The following CCSER1 variants were observed in gnomAD, a reference collection of about 807,000 sequenced individuals.
CCSER1 encodes coiled-coil serine rich protein 1.
CCSER1 carries 41 observed loss-of-function variants against 82.0 expected under a neutral mutation model. The ratio of observed to expected loss-of-function variants is 0.50; its 90% confidence interval spans 0.39 to 0.65. The LOEUF (loss-of-function observed/expected upper bound fraction) is 0.65. Among genes scored for constraint, CCSER1 ranks in the 30% least tolerant of loss-of-function variants. CCSER1 has a pLI of 0.00. For synonymous variants in CCSER1, 414 were observed against 383.9 expected (o/e 1.08, Z -0.92); for missense variants, 1,119 against 1,064.2 (o/e 1.05, Z -0.72).
intron 6 of CCSER1, among the ~76,000 whole-genome samples, chr4:90,689,515 C>T (rs1052895741): frequency 1.3e-5 from 2 of 152,046 alleles, no homozygotes; most frequent in Non-Finnish European, 2.9e-5. Flanking sequence ...AAATATTATT[C>T]ACTTATCATT....
chr4:90,691,720 A>G (rs568111621), intron 6 of CCSER1, among the ~76,000 whole-genome samples: 1 of 151,802 alleles, frequency 6.6e-6, no homozygotes, highest in African/African-American at 2.4e-5. Flanking sequence ...TTTATTTTAC[A>G]TTCAGGAGTA....
intron 9 of CCSER1, among the ~76,000 whole-genome samples, chr4:90,984,951 A>G (rs1196200849): frequency 1.3e-5 from 2 of 151,622 alleles, no homozygotes; most frequent in East Asian, 1.9e-4. Context: ...ACTGCCCCCA[A>G]CTTCCATCTC....
intron 7 of CCSER1, among the ~76,000 whole-genome samples, chr4:90,791,525 T>G (rs1043957981): frequency 1.3e-5 from 2 of 151,552 alleles, no homozygotes; most frequent in African/African-American, 4.9e-5. Flanking sequence ...TTCAGATGAT[T>G]ATTATTTTTA....
At chr4:90,852,190 C>T (rs1183947333) in intron 8 of CCSER1, among the ~76,000 whole-genome samples, 1 of 152,160 alleles carries the variant, frequency 6.6e-6, no homozygotes, top group African/African-American at 2.4e-5. Flanking sequence ...AAAACAACTA[C>T]AGAAGAGCCC....
chr4:90,422,742 G>A (rs1427505650), intron 4 of CCSER1, among the ~76,000 whole-genome samples: 2 of 152,126 alleles, frequency 1.3e-5, no homozygotes, highest in Non-Finnish European at 2.9e-5. Flanking sequence ...TTTTAGGCAG[G>A]CGACTTTGGG....
intron 3 of CCSER1, among the ~76,000 whole-genome samples, chr4:90,360,244 C>T (rs1745127493): frequency 1.3e-5 from 2 of 148,338 alleles, no homozygotes; most frequent in African/African-American, 2.5e-5. Flanking sequence ...AAAAAACATC[C>T]ACGGCCAGAC....
intron 5 of CCSER1, among the ~76,000 whole-genome samples, chr4:90,554,601 A>G (rs1777900448): frequency 6.6e-6 from 1 of 152,202 alleles, no homozygotes. Flanking sequence ...TTGCTATTAT[A>G]TTGCTACATA....
chr4:90,412,500 A>G (rs868842619), intron 4 of CCSER1, among the ~76,000 whole-genome samples: 1 of 148,896 alleles, frequency 6.7e-6, no homozygotes, highest in Non-Finnish European at 1.5e-5. Flanking sequence ...TGTTAAAAAA[A>G]GATGCTGAAT....
intron 10 of CCSER1, among the ~76,000 whole-genome samples, chr4:91,482,372 G>A (rs1431376667): frequency 1.6e-5 from 1 of 61,218 alleles, no homozygotes; most frequent in African/African-American, 8.5e-5. Context: ...ACTGCAGTCC[G>A]CAGTCCAGCC....
intron 1 of CCSER1, among the ~76,000 whole-genome samples, chr4:90,281,674 T>C (rs1222071946): frequency 6.6e-6 from 1 of 152,048 alleles, no homozygotes; most frequent in Non-Finnish European, 1.5e-5. Flanking sequence ...ACTGCCATTC[T>C]CAAGTCTATT....
chr4:90,594,565 G>T (rs1783087126), intron 5 of CCSER1, among the ~76,000 whole-genome samples: 1 of 151,982 alleles, frequency 6.6e-6, no homozygotes, highest in African/African-American at 2.4e-5. Flanking sequence ...CAGTGATTTT[G>T]GATGGAAGGC....
chr4:91,030,338 A>G (rs1293037055), intron 9 of CCSER1, among the ~76,000 whole-genome samples: 2 of 152,160 alleles, frequency 1.3e-5, no homozygotes, highest in Non-Finnish European at 2.9e-5. Context: ...ACTGTATTCA[A>G]TATAAAAACT....
chr4:91,322,529 T>C (rs6532292), intron 10 of CCSER1, among the ~76,000 whole-genome samples: 118,877 of 152,010 alleles, frequency 0.78, 47,251 homozygotes, highest in African/African-American at 0.93. Flanking sequence ...ATTCCAAGTC[T>C]TGTTTTTTTC....
chr4:90,717,475 A>C (rs945528097), intron 6 of CCSER1, among the ~76,000 whole-genome samples: 2 of 152,118 alleles, frequency 1.3e-5, no homozygotes, highest in Non-Finnish European at 1.5e-5. Context: ...TTAGAGATTA[A>C]ACTCAATTTC....
At chr4:90,799,095 A>AG (rs1295128708) in intron 7 of CCSER1, among the ~76,000 whole-genome samples, 19 of 152,008 alleles carry the variant, frequency 1.2e-4, no homozygotes, top group African/African-American at 4.3e-4. Flanking sequence ...CTTGGCGGTG[A>AG]GGGGGGTCTC....
chr4:90,926,633 T>A (rs1437487032), intron 9 of CCSER1, among the ~76,000 whole-genome samples: 1 of 151,998 alleles, frequency 6.6e-6, no homozygotes, highest in Non-Finnish European at 1.5e-5. Flanking sequence ...TACAATGTGC[T>A]CTGACTTCTA....
At chr4:91,499,292 T>C (rs933382526) in intron 10 of CCSER1, among the ~76,000 whole-genome samples, 2 of 152,066 alleles carry the variant, frequency 1.3e-5, no homozygotes, top group African/African-American at 4.8e-5. Context: ...TTTCCAGATA[T>C]GTGGAGATTT....
chr4:90,463,743 G>A (rs1763260107), intron 4 of CCSER1, among the ~76,000 whole-genome samples: 1 of 151,872 alleles, frequency 6.6e-6, no homozygotes, highest in African/African-American at 2.4e-5. Flanking sequence ...TAATAAATAT[G>A]TATAAATAAA....
At chr4:90,945,145 A>G (rs1283978880) in intron 9 of CCSER1, among the ~76,000 whole-genome samples, 1 of 152,136 alleles carries the variant, frequency 6.6e-6, no homozygotes, top group African/African-American at 2.4e-5. Flanking sequence ...TTTGAAGGAC[A>G]AAGAATTTAG....
Sources: allele counts gnomAD v4.1 joint callset (sites outside exome capture counted in the v4.1 genomes callset), GRCh38; gene constraint gnomAD v4.1.1; transcripts MANE v1.5; gene names NCBI Gene and HGNC (gene_info 2026-07-23, HGNC 2026-07-21).